Variants in RBFOX3 observed in about 807,000 individuals in gnomAD.
The protein encoded by RBFOX3 is RNA binding fox-1 homolog 3.
RBFOX3 carries 17 observed loss-of-function variants against 48.7 expected under a neutral mutation model. The ratio of observed to expected loss-of-function variants is 0.35; its 90% CI spans 0.24 to 0.52. RBFOX3 has a LOEUF of 0.52. Ranked by LOEUF, RBFOX3 falls within the 20% of genes least tolerant of loss-of-function variation. RBFOX3 has a pLI of 0.94. For synonymous variants in RBFOX3, 212 were observed against 209.5 expected, an observed-to-expected ratio of 1.01 and a Z score of -0.10; for missense variants, 382 against 497.5, an observed-to-expected ratio of 0.77 and a Z score of 2.21.
intron 4 of RBFOX3, among the ~76,000 whole-genome samples, chr17:79,189,216 T>G (rs1327971843): frequency 6.6e-6 from 1 of 152,238 alleles, no homozygotes; most frequent in Non-Finnish European, 1.5e-5. Context: ...GTATCTCACC[T>G]GATCATCACA....
intron 1 of RBFOX3, among the ~76,000 whole-genome samples, chr17:79,506,150 T>C (rs1353332148): frequency 7.2e-5 from 11 of 152,144 alleles, no homozygotes; most frequent in African/African-American, 2.7e-4. Context: ...TGATACCACA[T>C]CCCTGTGGAC....
At chr17:79,179,112 G>T (rs2051271801) in intron 4 of RBFOX3, among the ~76,000 whole-genome samples, 1 of 152,240 alleles carries the variant, frequency 6.6e-6, no homozygotes, top group Non-Finnish European at 1.5e-5. Context: ...AAGGTGCAAG[G>T]GGTGGTGCTA....
chr17:79,165,738 C>G (rs1030201908), intron 4 of RBFOX3, among the ~76,000 whole-genome samples: 5 of 152,232 alleles, frequency 3.3e-5, no homozygotes, highest in Non-Finnish European at 5.9e-5. Flanking sequence ...GCCCCACCCC[C>G]AGGTTCTGGA....
At chr17:79,190,042 AC>A (rs766905765) in intron 4 of RBFOX3, among the ~76,000 whole-genome samples, 64 of 152,252 alleles carry the variant, frequency 4.2e-4, no homozygotes, top group Non-Finnish European at 7.1e-4. Context: ...CACTCTTGGT[AC>A]CCCCACTTGC....
intron 3 of RBFOX3, among the ~76,000 whole-genome samples, chr17:79,275,605 G>T (rs1221417580): frequency 6.6e-6 from 1 of 152,100 alleles, no homozygotes; most frequent in East Asian, 1.9e-4. Flanking sequence ...AGAAGCACAG[G>T]GGGTATCAGG....
intron 1 of RBFOX3, among the ~76,000 whole-genome samples, chr17:79,566,617 G>C (rs1364927977): frequency 2.6e-5 from 4 of 152,366 alleles, no homozygotes; most frequent in African/African-American, 9.6e-5. Flanking sequence ...CAGTGGAGAT[G>C]AGGCTGTGCT....
the RBFOX3 span, among the ~76,000 whole-genome samples, chr17:79,650,822 G>C: frequency 6.6e-6 from 1 of 152,128 alleles, no homozygotes; most frequent in Non-Finnish European, 1.5e-5. Context: ...ACCAGTCCCC[G>C]GCATCTCCAA....
chr17:79,564,349 G>A (rs1198899148), intron 1 of RBFOX3, among the ~76,000 whole-genome samples: 1 of 152,214 alleles, frequency 6.6e-6, no homozygotes, highest in Non-Finnish European at 1.5e-5. Context: ...AGGAGCTGGT[G>A]TAGTGGGAAC....
intron 2 of RBFOX3, among the ~76,000 whole-genome samples, chr17:79,316,392 G>C (rs930932551): frequency 6.6e-6 from 1 of 152,266 alleles, no homozygotes; most frequent in African/African-American, 2.4e-5. Context: ...GTCCAGCTCA[G>C]TACAGACTCA....
At chr17:79,662,656 G>T in the RBFOX3 span, among the ~76,000 whole-genome samples, 1 of 152,314 alleles carries the variant, frequency 6.6e-6, no homozygotes, top group African/African-American at 2.4e-5. Flanking sequence ...CTAACACGCA[G>T]TCGGGGTTAA....
chr17:79,272,277 T>C (rs1469108741), intron 3 of RBFOX3, among the ~76,000 whole-genome samples: 2 of 152,140 alleles, frequency 1.3e-5, no homozygotes, highest in Non-Finnish European at 2.9e-5. Flanking sequence ...GGGGTTACCT[T>C]GAATGAGACC....
the RBFOX3 span, among the ~76,000 whole-genome samples, chr17:79,634,352 C>T: frequency 6.6e-6 from 1 of 152,236 alleles, no homozygotes; most frequent in Non-Finnish European, 1.5e-5. Flanking sequence ...CACTTCCACC[C>T]ACACCCTCTA....
At chr17:79,566,316 G>C (rs1019218501) in intron 1 of RBFOX3, among the ~76,000 whole-genome samples, 2 of 152,184 alleles carry the variant, frequency 1.3e-5, no homozygotes, top group Non-Finnish European at 2.9e-5. Context: ...CTGGGCCTGG[G>C]GTCTCCACTC....
At position 79,449,179 on chromosome 17, in the gene RBFOX3, G is replaced by A. The variant is rs114952256; in HGVS notation, c.-175+33275C>T. Among the ~76,000 whole-genome samples, 410 of 152,160 alleles carry A rather than the reference G, an allele frequency of 2.7e-3. 1 individual carries two copies. Among genetic ancestry groups the A allele is most frequent in the African/African-American group, 9.3e-3 (384 of 41,502 alleles). On this transcript the variant is annotated intron_variant, in intron 2 of 14. Coordinates refer to ENST00000693108, the MANE Select transcript of RBFOX3 (RefSeq NM_001350451.2). ...TGAGAGGTTCGGGTAGGAGGGGCCC[G>A]GGATGGGTTTCTGGCACTGTGTGTT... is the stretch of plus-strand genomic sequence containing the variant.
intron 1 of RBFOX3, among the ~76,000 whole-genome samples, chr17:79,539,133 C>T (rs2089300638): frequency 6.6e-6 from 1 of 152,178 alleles, no homozygotes; most frequent in Non-Finnish European, 1.5e-5. Context: ...AGGAGGATTG[C>T]TTGAGCTCAG....
rs895843053 is a variant in RBFOX3 at position 79,566,262 on chromosome 17, G to C, written c.-320+44564C>G. On this transcript the variant is annotated intron_variant, in intron 1 of 14. Coordinates refer to ENST00000693108, the MANE Select transcript of RBFOX3 (RefSeq NM_001350451.2). ...CGAATGATGAATGAGCCCTCCCTTT[G>C]CGTAAGCACGTCTTGCCATAGTCCC... is the stretch of plus-strand genomic sequence containing the variant. Among the ~76,000 whole-genome samples, 88 of 152,266 alleles carry C rather than the reference G, an allele frequency of 5.8e-4. 3 individuals carry two copies. In the South Asian group the frequency reaches 0.018, roughly 31 times the overall value.
chr17:79,479,526 T>G lies in RBFOX3; in HGVS notation c.-175+2928A>C, dbSNP rs769128530. On this transcript the variant is annotated intron_variant, in intron 2 of 14. Coordinates refer to ENST00000693108, the MANE Select transcript of RBFOX3 (RefSeq NM_001350451.2). This position sits in a 1 kb window ranked among gnomAD's most constrained non-coding sequence, Gnocchi z 5.1. ...GAAAAGGAAGACTCTGAAAGGCAGA[T>G]TCCTCACTTCACAATTCAGAGCACA... Among the ~76,000 whole-genome samples, 1 of 152,190 alleles carries G rather than the reference T, an allele frequency of 6.6e-6. No homozygotes were observed. The highest frequency in any genetic ancestry group is 6.5e-5 in the Admixed American group (1 of 15,284).
At chr17:79,336,386 C>A in intron 2 of RBFOX3, among the ~76,000 whole-genome samples, 1 of 74,808 alleles carries the variant, frequency 1.3e-5, no homozygotes. Flanking sequence ...GATTTCATCT[C>A]AAAAAATAAA....
At chr17:79,217,430 A>C (rs2059200826) in intron 4 of RBFOX3, among the ~76,000 whole-genome samples, 1 of 152,104 alleles carries the variant, frequency 6.6e-6, no homozygotes, top group Non-Finnish European at 1.5e-5. Context: ...TCATTCTTTC[A>C]ATCACTCACT....
Sources: gnomAD v4.1 joint callset for allele counts (sites outside exome capture counted in the v4.1 genomes callset) on GRCh38, gnomAD v4.1.1 for gene constraint, Gnocchi (gnomAD v3.1) non-coding constraint, MANE v1.5 for transcripts, NCBI Gene and HGNC (gene_info 2026-07-23, HGNC 2026-07-21) for gene names.